Variants in GALNTL6 observed in about 807,000 individuals in gnomAD.
The protein encoded by GALNTL6 is polypeptide N-acetylgalactosaminyltransferase-like 6.
GALNTL6 carries 46 observed loss-of-function variants against 73.7 expected under a neutral mutation model. The observed-to-expected ratio is 0.62, with a 90% CI of 0.49 to 0.80. GALNTL6 has a LOEUF of 0.80. Ranked by LOEUF, GALNTL6 falls within the 30% of genes least tolerant of loss-of-function variation. GALNTL6 has a pLI of 0.00. For missense variants in GALNTL6, 604 were observed against 755.0 expected (o/e 0.80, Z 2.34); for synonymous variants, 259 against 263.7 (o/e 0.98, Z 0.17).
At chr4:171,866,235 C>A (rs150079039) in intron 2 of GALNTL6, among the ~76,000 whole-genome samples, 9 of 151,976 alleles carry the variant, frequency 5.9e-5, no homozygotes, top group Non-Finnish European at 8.8e-5. Flanking sequence ...TTCATAAATC[C>A]TCTAAGGTAA....
chr4:172,817,326 G>C (rs1263436295), intron 7 of GALNTL6, among the ~76,000 whole-genome samples: 2 of 151,948 alleles, frequency 1.3e-5, no homozygotes, highest in African/African-American at 2.4e-5. Context: ...AGCTACTTGG[G>C]AAGCTGAGGT....
intron 3 of GALNTL6, among the ~76,000 whole-genome samples, chr4:172,257,282 G>T (rs1003519157): frequency 2.0e-5 from 3 of 151,244 alleles, no homozygotes; most frequent in Admixed American, 1.3e-4. Context: ...TAAATATAGT[G>T]CTATCTCCCT....
At chr4:172,308,627 T>C (rs1035440126) in intron 3 of GALNTL6, among the ~76,000 whole-genome samples, 1 of 152,174 alleles carries the variant, frequency 6.6e-6, no homozygotes, top group Non-Finnish European at 1.5e-5. Context: ...ATGTGGTGTA[T>C]CACATTTATT....
intron 5 of GALNTL6, among the ~76,000 whole-genome samples, chr4:172,750,025 T>C (rs1023529325): frequency 2.0e-5 from 3 of 152,222 alleles, no homozygotes; most frequent in Non-Finnish European, 4.4e-5. Context: ...CTAAATGATT[T>C]AGTTAGTGTT....
chr4:172,050,060 T>G (rs572725903), intron 2 of GALNTL6, among the ~76,000 whole-genome samples: 10 of 152,196 alleles, frequency 6.6e-5, no homozygotes, highest in Non-Finnish European at 1.5e-4. Flanking sequence ...ATATAGGTAT[T>G]TTTCCCACTT....
At chr4:172,081,949 T>C (rs1163728517) in intron 2 of GALNTL6, among the ~76,000 whole-genome samples, 1 of 151,704 alleles carries the variant, frequency 6.6e-6, no homozygotes, top group Non-Finnish European at 1.5e-5. Flanking sequence ...CAATCTCTGC[T>C]CACTGCAATC....
At chr4:171,872,086 A>G (rs1338884353) in intron 2 of GALNTL6, among the ~76,000 whole-genome samples, 1 of 152,050 alleles carries the variant, frequency 6.6e-6, no homozygotes, top group African/African-American at 2.4e-5. Context: ...CAACTTTGTT[A>G]GATATACTTT....
intron 5 of GALNTL6, among the ~76,000 whole-genome samples, chr4:172,685,077 T>C (rs1732840258): frequency 6.6e-6 from 1 of 152,210 alleles, no homozygotes; most frequent in African/African-American, 2.4e-5. Flanking sequence ...ATTCTATTAC[T>C]TGAGTTTTCA....
At chr4:172,382,500 AG>A (rs1743319902) in intron 5 of GALNTL6, among the ~76,000 whole-genome samples, 1 of 152,108 alleles carries the variant, frequency 6.6e-6, no homozygotes, top group South Asian at 2.1e-4. Context: ...TCTGAGTGCA[AG>A]TAATGTATCA....
chr4:172,207,034 A>G (rs28690111), intron 2 of GALNTL6, among the ~76,000 whole-genome samples: 46,738 of 150,358 alleles, frequency 0.31, 7,691 homozygotes, highest in African/African-American at 0.43. Context: ...AGCCAGGATG[A>G]TCTCAATCTC....
chr4:172,229,682 G>C lies in GALNTL6; in HGVS notation c.165G>C (p.Gly55=). Residue 55 remains glycine (G), a synonymous_variant, in exon 3 of 13, where the codon GGG becomes GGC. Coordinates refer to ENST00000506823, the MANE Select transcript of GALNTL6 (RefSeq NM_001034845.3). The part of the protein sequence containing the change: ...QQTFPLGLGD[G]QFYSWTDGLR... ...CATTTCCACTGGGCCTGGGAGATGGGCAATTCTATTCATGGACAGATGGTT... is the reference window on the plus strand; with the variant it reads ...CATTTCCACTGGGCCTGGGAGATGGCCAATTCTATTCATGGACAGATGGTT... 1 of 1,613,472 alleles carries C rather than the reference G, an allele frequency of 6.2e-7. No homozygotes were observed. The highest frequency in any genetic ancestry group is 1.1e-5 in the South Asian group (1 of 91,038).
chr4:172,010,275 T>C (rs1740964379), intron 2 of GALNTL6, among the ~76,000 whole-genome samples: 1 of 151,838 alleles, frequency 6.6e-6, no homozygotes, highest in African/African-American at 2.4e-5. Context: ...ACAACATTAG[T>C]AATATTTTCT....
intron 2 of GALNTL6, among the ~76,000 whole-genome samples, chr4:172,073,026 T>G (rs1731593501): frequency 5.9e-5 from 9 of 152,316 alleles, no homozygotes; most frequent in Middle Eastern, 3.4e-3. Flanking sequence ...CGTTTTGCTT[T>G]TCACGAAATA....
chr4:172,472,082 T>C (rs990109287), intron 5 of GALNTL6, among the ~76,000 whole-genome samples: 9 of 152,240 alleles, frequency 5.9e-5, no homozygotes, highest in African/African-American at 2.2e-4. Flanking sequence ...ATATATGCTA[T>C]TGCAAATTCA....
intron 2 of GALNTL6, among the ~76,000 whole-genome samples, chr4:172,000,724 T>C (rs1250294632): frequency 6.6e-6 from 1 of 152,134 alleles, no homozygotes; most frequent in Admixed American, 6.6e-5. Flanking sequence ...TAAATATATC[T>C]AAAATTGATA....
intron 5 of GALNTL6, among the ~76,000 whole-genome samples, chr4:172,360,057 GACTT>G (rs1420545816): frequency 1.5e-4 from 23 of 152,290 alleles, no homozygotes; most frequent in Admixed American, 9.8e-4. Context: ...CTGCCCTGCT[GACTT>G]ACTTAAGACC....
At chr4:172,908,609 AGTGT>A (rs200044918) in intron 8 of GALNTL6, among the ~76,000 whole-genome samples, 3,784 of 145,926 alleles carry the variant, frequency 0.026, 174 homozygotes, top group African/African-American at 0.088. Flanking sequence ...CATGAGCGTG[AGTGT>A]GTGTGTGTGT....
At chr4:172,658,166 A>AAAAAAAAAAAAAAG (rs1439296482) in intron 5 of GALNTL6, among the ~76,000 whole-genome samples, 2 of 120,384 alleles carry the variant, frequency 1.7e-5, no homozygotes, top group African/African-American at 3.1e-5. Context: ...AAAAAAAAAA[A>AAAAAAAAAAAAAAG]AAAGAAATAT....
At chr4:172,608,778 T>C (rs530705872) in intron 5 of GALNTL6, among the ~76,000 whole-genome samples, 1 of 152,272 alleles carries the variant, frequency 6.6e-6, no homozygotes, top group East Asian at 1.9e-4. Flanking sequence ...ATTTTTCCAT[T>C]TGTTTGTGTT....
Sources: allele counts gnomAD v4.1 joint callset (sites outside exome capture counted in the v4.1 genomes callset), GRCh38; gene constraint gnomAD v4.1.1; transcripts MANE v1.5; gene names NCBI Gene and HGNC (gene_info 2026-07-23, HGNC 2026-07-21).